OCA2: variants seen among roughly 807,000 people sequenced by gnomAD.
The protein encoded by OCA2 is OCA2 melanosomal transmembrane protein.
OCA2 carries 77 observed loss-of-function variants against 100.2 expected under a neutral mutation model. The observed-to-expected ratio is 0.77, with a 90% CI of 0.64 to 0.93. The LOEUF is 0.93. Among genes scored for constraint, OCA2 ranks in the 40% least tolerant of loss-of-function variants. The pLI is 0.00. For missense variants in OCA2, 1,062 were observed against 1,089.1 expected (o/e 0.98, Z 0.35); for synonymous variants, 432 against 439.2 (o/e 0.98, Z 0.21).
intron 13 of OCA2, 121 bp downstream of exon 13, chr15:27,984,943 G>T (rs887936529): frequency 8.6e-7 from 1 of 1,165,712 alleles, no homozygotes; most frequent in Non-Finnish European, 1.3e-6. Flanking sequence ...GTGAGCTGTG[G>T]GCTCAACCGC....
rs180745267 is a variant in OCA2 at position 28,066,170 on chromosome 15, A to G, written c.227+15478T>C. On this transcript the variant is annotated intron_variant, in intron 2 of 23. Coordinates refer to ENST00000354638, the MANE Select transcript of OCA2 (RefSeq NM_000275.3). Reference sequence around the variant, plus strand: ...TTACAACAACACCAAAAAATGAGTCACTTGGAGATAAATCTTACAAAATAT... The same window carrying G: ...TTACAACAACACCAAAAAATGAGTCGCTTGGAGATAAATCTTACAAAATAT... Among the ~76,000 whole-genome samples, 427 of 152,348 alleles carry G rather than the reference A, an allele frequency of 2.8e-3. 5 individuals carry two copies. In the Middle Eastern group the frequency reaches 0.044, roughly 16 times the overall value.
intron 23 of OCA2, among the ~76,000 whole-genome samples, chr15:27,760,427 C>T (rs1296338010): frequency 6.6e-6 from 1 of 150,960 alleles, no homozygotes; most frequent in African/African-American, 2.4e-5. Context: ...TAAAAATAAA[C>T]CCAAAAACAA....
At chr15:27,959,315 G>GTC (rs757436455) in intron 15 of OCA2, among the ~76,000 whole-genome samples, 2 of 152,178 alleles carry the variant, frequency 1.3e-5, no homozygotes, top group Admixed American at 1.3e-4. Context: ...CTCTTGAAAA[G>GTC]TCTCACACTT....
rs577941472 is a variant in OCA2, at chr15:27,800,730, C to T, written c.2432+44229G>A. ...CTGTAATCTCAGCACTTTGGGAGGC[C>T]GAGGTGGACAGATTGCTTGAACCCA... On this transcript the variant is annotated intron_variant, in intron 23 of 23. Coordinates refer to ENST00000354638, the MANE Select transcript of OCA2 (RefSeq NM_000275.3). Among the ~76,000 whole-genome samples the T allele has an allele frequency of 2.0e-3, 305 of 151,318 alleles. 2 individuals are homozygous for T. Among genetic ancestry groups the T allele is most frequent in the African/African-American group, 7.0e-3 (288 of 41,224 alleles).
chr15:27,817,710 T>C (rs2034356936), intron 23 of OCA2, among the ~76,000 whole-genome samples: 1 of 152,086 alleles, frequency 6.6e-6, no homozygotes. Context: ...TTAAACTGTT[T>C]CTCTGCTGCA....
intron 18 of OCA2, among the ~76,000 whole-genome samples, chr15:27,946,656 C>T (rs994800024): frequency 6.6e-6 from 1 of 152,162 alleles, no homozygotes; most frequent in Non-Finnish European, 1.5e-5. Context: ...ACATTTAATT[C>T]GGCTGAAGTT....
At chr15:27,913,923 GC>G in intron 19 of OCA2, among the ~76,000 whole-genome samples, 2 of 60,688 alleles carry the variant, frequency 3.3e-5, no homozygotes, top group Non-Finnish European at 5.8e-5. Context: ...AAGCAAGCAA[GC>G]AAGCAAGAAA....
intron 14 of OCA2, among the ~76,000 whole-genome samples, chr15:27,974,876 G>A (rs1346967215): frequency 6.6e-6 from 1 of 152,218 alleles, no homozygotes; most frequent in African/African-American, 2.4e-5. Flanking sequence ...TGTCACTTTG[G>A]CAGAAAATTG....
At chr15:27,818,614 C>T (rs2034396075) in intron 23 of OCA2, among the ~76,000 whole-genome samples, 1 of 152,118 alleles carries the variant, frequency 6.6e-6, no homozygotes, top group Non-Finnish European at 1.5e-5. Flanking sequence ...CTGCCTGGTG[C>T]TCCAGGAAGG....
At chr15:27,810,360 G>A (rs549419763) in intron 23 of OCA2, among the ~76,000 whole-genome samples, 1 of 152,304 alleles carries the variant, frequency 6.6e-6, no homozygotes, top group South Asian at 2.1e-4. Context: ...ATCAACTCAA[G>A]ATGGATCAAA....
At chr15:27,755,546 T>A in intron 23 of OCA2, 74 bp from the exon 24 acceptor site, 2 of 1,153,952 alleles carry the variant, frequency 1.7e-6, no homozygotes, top group Admixed American at 1.7e-5. Flanking sequence ...TCATAGCTCA[T>A]GAGAACATGG....
At chr15:27,891,523 T>C (rs1174937030) in intron 19 of OCA2, among the ~76,000 whole-genome samples, 1 of 152,254 alleles carries the variant, frequency 6.6e-6, no homozygotes, top group Non-Finnish European at 1.5e-5. Flanking sequence ...AGGGGCATAG[T>C]ATTTGCATAT....
chr15:27,968,686 A>G (rs1171997847), intron 14 of OCA2, among the ~76,000 whole-genome samples: 2 of 152,190 alleles, frequency 1.3e-5, no homozygotes, highest in African/African-American at 4.8e-5. Context: ...GAAATGCTTA[A>G]TCCCTTGCAG....
At chr15:27,988,863 G>A (rs147522881) in intron 11 of OCA2, among the ~76,000 whole-genome samples, 72 of 152,280 alleles carry the variant, frequency 4.7e-4, no homozygotes, top group Admixed American at 1.4e-3. Flanking sequence ...ATGGCGGCAC[G>A]GTTTCCATCA....
At chr15:28,031,413 T>C (rs1236397170) in intron 3 of OCA2, among the ~76,000 whole-genome samples, 2 of 152,228 alleles carry the variant, frequency 1.3e-5, no homozygotes, top group Non-Finnish European at 2.9e-5. Context: ...TCTGGCGGTT[T>C]GTTTGCAGAA....
At chr15:27,955,698 C>T (rs770654749) in intron 16 of OCA2, among the ~76,000 whole-genome samples, 21 of 147,656 alleles carry the variant, frequency 1.4e-4, no homozygotes, top group Non-Finnish European at 2.9e-4. Flanking sequence ...ATCACTTCCA[C>T]GCCTGAAATC....
chr15:27,726,245 C>G, the OCA2 span, among the ~76,000 whole-genome samples: 1 of 151,796 alleles, frequency 6.6e-6, no homozygotes, highest in Admixed American at 6.6e-5. Flanking sequence ...TTGCAGTGAG[C>G]CAAGATCATG....
At chr15:28,033,010 A>G (rs1277415077) in intron 2 of OCA2, among the ~76,000 whole-genome samples, 2 of 152,336 alleles carry the variant, frequency 1.3e-5, no homozygotes, top group African/African-American at 2.4e-5. Context: ...AGCAGCCACA[A>G]CTGAAGCAAA....
intron 23 of OCA2, among the ~76,000 whole-genome samples, chr15:27,803,227 C>A (rs144163918): frequency 6.6e-6 from 1 of 152,104 alleles, no homozygotes; most frequent in East Asian, 1.9e-4. Context: ...AACCCCACTT[C>A]GGCATATATA....
Sources: gnomAD v4.1 joint callset for allele counts (sites outside exome capture counted in the v4.1 genomes callset) on GRCh38, gnomAD v4.1.1 for gene constraint, MANE v1.5 for transcripts, NCBI Gene and HGNC (gene_info 2026-07-23, HGNC 2026-07-21) for gene names.